The following PTPRN2 variants were observed in gnomAD, a reference collection of about 807,000 sequenced individuals.
PTPRN2 encodes the protein receptor-type tyrosine-protein phosphatase N2.
In PTPRN2, 74 loss-of-function variants were observed where a neutral mutation model predicts 118.8. The observed-to-expected ratio is 0.62, with a 90% CI of 0.52 to 0.76. PTPRN2 has a LOEUF of 0.76. Ranked by LOEUF, PTPRN2 falls within the 30% of genes least tolerant of loss-of-function variation. The pLI, the probability that PTPRN2 is intolerant of heterozygous loss-of-function variation, is 0.00. For synonymous variants in PTPRN2, 641 were observed against 608.0 expected (o/e 1.05, Z -0.80); for missense variants, 1,481 against 1,394.4 (o/e 1.06, Z -0.99).
intron 11 of PTPRN2, among the ~76,000 whole-genome samples, chr7:158,062,237 G>A (rs775722390): frequency 3.9e-5 from 6 of 152,374 alleles, no homozygotes; most frequent in African/African-American, 7.2e-5. Context: ...GGAGACCAAC[G>A]TGTCCAACAT....
chr7:158,286,765 G>A (rs1442747481), intron 3 of PTPRN2, among the ~76,000 whole-genome samples: 3 of 152,096 alleles, frequency 2.0e-5, no homozygotes, highest in Admixed American at 6.6e-5. Flanking sequence ...GTATTCTTTC[G>A]AGGGTTTTTG....
intron 2 of PTPRN2, among the ~76,000 whole-genome samples, chr7:158,483,291 T>C (rs778457977): frequency 4.2e-4 from 64 of 152,248 alleles, no homozygotes; most frequent in Non-Finnish European, 8.5e-4. Flanking sequence ...CTATGGTATA[T>C]AAATCTTTTA....
chr7:158,052,645 G>A (rs914281244), intron 11 of PTPRN2, among the ~76,000 whole-genome samples: 2 of 151,396 alleles, frequency 1.3e-5, no homozygotes, highest in African/African-American at 4.9e-5. Context: ...ATGGAGGGGT[G>A]CCCTTCGGAC....
At chr7:157,612,961 G>A (rs569978896) in intron 15 of PTPRN2, among the ~76,000 whole-genome samples, 15 of 152,260 alleles carry the variant, frequency 9.9e-5, no homozygotes, top group Non-Finnish European at 2.2e-4. Context: ...CTGCGGCTCC[G>A]TGAAGACACA....
intron 2 of PTPRN2, among the ~76,000 whole-genome samples, chr7:158,441,032 AGTGGTAGTAGTGATG>A (rs1470799063): frequency 2.7e-5 from 3 of 113,200 alleles, no homozygotes; most frequent in Admixed American, 8.1e-5. Flanking sequence ...TGGTGGTGAC[AGTGGTAGTAGTGATG>A]GTGGTAGTGA....
chr7:157,772,674 C>T (rs1391775721), intron 12 of PTPRN2, among the ~76,000 whole-genome samples: 2 of 152,246 alleles, frequency 1.3e-5, no homozygotes, highest in African/African-American at 2.4e-5. Flanking sequence ...AGAGGACACA[C>T]GAGGCTCTCG....
At chr7:157,581,150 C>G (rs1361186018) in intron 17 of PTPRN2, among the ~76,000 whole-genome samples, 1 of 152,058 alleles carries the variant, frequency 6.6e-6, no homozygotes, top group Non-Finnish European at 1.5e-5. Context: ...CACACCAGCA[C>G]CTGCACACCT....
chr7:158,102,124 C>A (rs1815276760), intron 10 of PTPRN2, among the ~76,000 whole-genome samples: 1 of 152,110 alleles, frequency 6.6e-6, no homozygotes, highest in South Asian at 2.1e-4. Context: ...GCCCTCAGCC[C>A]ACGCCTTCAC....
intron 11 of PTPRN2, among the ~76,000 whole-genome samples, chr7:158,077,373 G>A (rs1028073230): frequency 1.8e-4 from 27 of 152,218 alleles, no homozygotes; most frequent in African/African-American, 6.3e-4. Flanking sequence ...GAATACAGAG[G>A]CGCCGCTACT....
chr7:158,262,611 GCACA>G lies in PTPRN2; in HGVS notation c.277+54204_277+54207del, dbSNP rs199608045. On this transcript the variant is annotated intron_variant, in intron 3 of 22. Transcript: ENST00000389418. ...ACATTCACACACATTCACACACACTGCACACACACATACATTCACACTGCAAACA... is the reference window on the plus strand; with the variant it reads ...ACATTCACACACATTCACACACACTGCACACATACATTCACACTGCAAACA... 4.7e-5 allele frequency among the ~76,000 whole-genome samples: 6 copies of G among 127,540 alleles called. No individual in the cohort carries two copies. In the East Asian group the frequency reaches 7.3e-4, roughly 16 times the overall value. 83.7% of individuals were successfully genotyped at this position (127,540 alleles called of 152,430 possible).
At chr7:158,170,280 G>A (rs1218308882) in intron 5 of PTPRN2, among the ~76,000 whole-genome samples, 1 of 152,148 alleles carries the variant, frequency 6.6e-6, no homozygotes, top group South Asian at 2.1e-4. Context: ...TGAACACCTG[G>A]TCAGCCACCG....
chr7:157,846,582 G>T (rs1808819362), intron 12 of PTPRN2, among the ~76,000 whole-genome samples: 1 of 152,242 alleles, frequency 6.6e-6, no homozygotes, highest in Non-Finnish European at 1.5e-5. Flanking sequence ...CCTGCCTGCT[G>T]CTGTCTGAGA....
chr7:157,812,232 GTCC>G (rs1164289872), intron 12 of PTPRN2, among the ~76,000 whole-genome samples: 2 of 152,200 alleles, frequency 1.3e-5, no homozygotes, highest in Non-Finnish European at 2.9e-5. Context: ...CCGAGGGGCC[GTCC>G]TCCTCCCGTG....
intron 12 of PTPRN2, among the ~76,000 whole-genome samples, chr7:157,768,906 T>G (rs1408668604): frequency 6.6e-6 from 1 of 152,116 alleles, no homozygotes; most frequent in Admixed American, 6.5e-5. Flanking sequence ...CTCGGCGAAG[T>G]CGACACACAC....
chr7:158,560,647 C>T (rs1015610399), intron 1 of PTPRN2, among the ~76,000 whole-genome samples: 2 of 152,250 alleles, frequency 1.3e-5, no homozygotes, highest in African/African-American at 4.8e-5. Flanking sequence ...GTGTGGCCAT[C>T]GCCTCACCTT....
chr7:158,304,688 T>A (rs1231703389), intron 3 of PTPRN2, among the ~76,000 whole-genome samples: 4 of 152,216 alleles, frequency 2.6e-5, no homozygotes, highest in Admixed American at 2.6e-4. Flanking sequence ...ATTGGTTGAG[T>A]TTATCTAAGG....
intron 12 of PTPRN2, among the ~76,000 whole-genome samples, chr7:157,877,760 G>A (rs1183800900): frequency 6.6e-6 from 1 of 152,298 alleles, no homozygotes; most frequent in South Asian, 2.1e-4. Flanking sequence ...CTGCACAGCT[G>A]GGAGCAGCAG....
intron 11 of PTPRN2, among the ~76,000 whole-genome samples, chr7:157,926,590 G>A (rs1799007601): frequency 6.6e-6 from 1 of 152,200 alleles, no homozygotes; most frequent in African/African-American, 2.4e-5. Context: ...CCACAGCTGT[G>A]TGTTCCTGAG....
intron 3 of PTPRN2, among the ~76,000 whole-genome samples, chr7:158,232,663 G>A (rs968142342): frequency 2.0e-5 from 3 of 151,782 alleles, no homozygotes; most frequent in Non-Finnish European, 2.9e-5. Flanking sequence ...TATAGGCATA[G>A]ACACAAAAAT....
Sources: gnomAD v4.1 joint callset for allele counts (sites outside exome capture counted in the v4.1 genomes callset) on GRCh38, gnomAD v4.1.1 for gene constraint, MANE v1.5 for transcripts, NCBI Gene and HGNC (gene_info 2026-07-23, HGNC 2026-07-21) for gene names.